Variants in HERC2 observed in about 807,000 individuals in gnomAD.
The protein encoded by HERC2 is E3 ubiquitin-protein ligase HERC2.
A neutral mutation model predicts 537.7 loss-of-function variants in HERC2; 102 were observed. The observed-to-expected ratio is 0.19, with a 90% confidence interval of 0.16 to 0.22. HERC2 has a LOEUF of 0.22. Ranked by LOEUF, HERC2 falls within the 10% of genes least tolerant of loss-of-function variation. The pLI is 1.00. For synonymous variants in HERC2, 2,224 were observed against 2,466.2 expected (o/e 0.90, Z 2.91); for missense variants, 4,236 against 6,198.2 (o/e 0.68, Z 10.63).
chr15:28,233,325 C>T lies in HERC2; in HGVS notation c.4496G>A (p.Gly1499Asp), dbSNP rs763287026. The T allele has an allele frequency of 7.1e-5, 106 of 1,483,326 alleles. No individual in the cohort carries two copies. The highest frequency in any genetic ancestry group is 2.5e-4 in the South Asian group (22 of 87,710). 91.9% of individuals were successfully genotyped at this position (1,483,326 alleles called of 1,614,324 possible). The stretch of plus-strand genomic sequence containing the variant: ...AGCGCAGACCTCCTTGTAAGAACGG[C>T]CCTGTTCTTGATGAGTCTGCAAAGT... The part of the protein sequence containing the change: ...CSLIKTHQEQ[G>D]RSYKEVCAPV... The change falls in exon 30 of 93, where the codon GGC becomes GAC. Residue 1499 changes from glycine (G) to aspartate (D), a missense_variant. Transcript: ENST00000261609.
chr15:28,290,351 A>AC (rs775545567), intron 4 of HERC2, among the ~76,000 whole-genome samples: 17 of 152,036 alleles, frequency 1.1e-4, no homozygotes, highest in Non-Finnish European at 1.6e-4. Flanking sequence ...ACTAAAGTGC[A>AC]GGGGTGCAAT....
chr15:28,114,325 C>T (rs2142040325), intron 90 of HERC2, among the ~76,000 whole-genome samples: 1 of 152,306 alleles, frequency 6.6e-6, no homozygotes, highest in South Asian at 2.1e-4. Flanking sequence ...CCAGGGAAGC[C>T]AACAAAGAAA....
At chr15:28,271,672 A>G (rs1271825450) in intron 9 of HERC2, among the ~76,000 whole-genome samples, 2 of 150,188 alleles carry the variant, frequency 1.3e-5, no homozygotes, top group African/African-American at 2.4e-5. Flanking sequence ...CCATCTAAGG[A>G]AAAAAAAAAG....
chr15:28,253,434 G>A (rs1481237957), intron 20 of HERC2, among the ~76,000 whole-genome samples: 1 of 152,212 alleles, frequency 6.6e-6, no homozygotes, highest in East Asian at 1.9e-4. Flanking sequence ...CTGCTTATTA[G>A]TAAGAATCTT....
At chr15:28,140,300 C>T (rs1411660476) in intron 78 of HERC2, among the ~76,000 whole-genome samples, 4 of 152,066 alleles carry the variant, frequency 2.6e-5, no homozygotes, top group Middle Eastern at 3.2e-3. Flanking sequence ...CAGAATCACA[C>T]CGCAACCCCA....
intron 36 of HERC2, among the ~76,000 whole-genome samples, 169 bp from the exon 37 acceptor site, chr15:28,220,813 A>G (rs1474365890): frequency 3.1e-3 from 331 of 106,016 alleles, no homozygotes; most frequent in Middle Eastern, 5.6e-3. Flanking sequence ...GTCCTTCCAT[A>G]GCTCCCACCA....
rs374665280 is a variant in HERC2 at position 28,202,513 on chromosome 15, G to A, written c.7314C>T (p.Val2438=). Residue 2438 remains valine (V), a synonymous_variant, in exon 46 of 93, where the codon GTC becomes GTT. Transcript: ENST00000261609. ...TGGCAGGGCGGATGTGCTGCACGGC[G>A]ACAGGCGTGGTGGCCTCACTGGAGC... ...DCSSSEATTP[V]AVQHIRPARV... The A allele has an allele frequency of 8.9e-6, 11 of 1,241,126 alleles. No homozygotes were observed. Among genetic ancestry groups the A allele is most frequent in the South Asian group, 3.9e-5 (3 of 77,768 alleles). The allele number at this position is 1,241,126 out of a possible 1,614,324, so 76.9% of individuals were successfully genotyped here. A position where few individuals can be genotyped will look rare whatever the true frequency, so the allele number is the denominator to read the frequency against.
rs1248942602 is a variant in HERC2, at chr15:28,144,233, G to A, written c.11143C>T (p.Pro3715Ser). ...TVYPIMPAAGPKELLSDRCVL... is the reference protein window; with the variant it reads ...TVYPIMPAAGSKELLSDRCVL... ...CAGCGGTCAGAGAGGAGTTCTTTAG[G>A]GCCTGTGAATGAACACTGTAAACAT... The change falls in exon 73 of 93, where the codon CCT becomes TCT. Residue 3715 changes from proline (P) to serine (S), a missense_variant and splice_region_variant. By Grantham distance (74) the Pro-to-Ser change is moderately conservative. Around this residue, in one of 27 missense-constraint regions of HERC2, gnomAD observed 109 missense variants for 133.5 expected, o/e 0.82. Coordinates refer to ENST00000261609, the MANE Select transcript of HERC2 (RefSeq NM_004667.6). 10 of 1,613,696 alleles carry A rather than the reference G, an allele frequency of 6.2e-6. No individual in the cohort carries two copies. The highest frequency in any genetic ancestry group is 8.5e-6 in the Non-Finnish European group (10 of 1,180,008).
At chr15:28,116,292 C>T (rs902044299) in intron 88 of HERC2, among the ~76,000 whole-genome samples, 5 of 150,582 alleles carry the variant, frequency 3.3e-5, no homozygotes, top group African/African-American at 7.3e-5. Flanking sequence ...CAGCTCACTG[C>T]AACCTCCGCC....
At chr15:28,142,134 G>T in intron 76 of HERC2, 104 bp downstream of exon 76, 2 of 1,314,872 alleles carry the variant, frequency 1.5e-6, no homozygotes, top group Non-Finnish European at 2.1e-6. Context: ...GATATTCCTT[G>T]GCAAGCGAAA....
intron 56 of HERC2, among the ~76,000 whole-genome samples, chr15:28,185,590 T>C (rs1896232228): frequency 6.6e-6 from 1 of 152,220 alleles, no homozygotes; most frequent in South Asian, 2.1e-4. Flanking sequence ...CCCCTGCAAA[T>C]GCAAGTTCTA....
chr15:28,249,919 T>G (rs1249978448), intron 20 of HERC2, among the ~76,000 whole-genome samples: 1 of 151,114 alleles, frequency 6.6e-6, no homozygotes, highest in Admixed American at 6.6e-5. Flanking sequence ...CCTCCCAAAG[T>G]GCTGGGATTA....
chr15:28,194,866 G>T (rs1011022769), intron 52 of HERC2, among the ~76,000 whole-genome samples: 2 of 151,932 alleles, frequency 1.3e-5, no homozygotes, highest in African/African-American at 4.8e-5. Context: ...GAGCAGCCTG[G>T]CCAACATGGT....
In HERC2 at chr15:28,132,925, AGTTAATT is replaced by A. The variant is rs1890253974; in HGVS notation, c.12231-102_12231-96del. 1.1e-5 allele frequency: 11 copies of A among 1,005,510 alleles called. 1 individual carries two copies. The South Asian group carries it at 2.5e-4, about 23-fold the overall frequency. The allele number at this position is 1,005,510 out of a possible 1,614,324, so 62.3% of individuals were successfully genotyped here. A position where few individuals can be genotyped will look rare whatever the true frequency, so the allele number is the denominator to read the frequency against. ...CCTCTCAATCTACACCTTCCTAATC[AGTTAATT>A]GTTAAATCAATCAAGAAGAATCATT... is the stretch of plus-strand genomic sequence containing the variant. On this transcript the variant is annotated intron_variant, in intron 79 of 92. Coordinates refer to ENST00000261609, the MANE Select transcript of HERC2 (RefSeq NM_004667.6).
intron 55 of HERC2, 33 bp from the exon 56 acceptor site, chr15:28,186,785 T>C (rs750102404): frequency 2.0e-6 from 3 of 1,530,468 alleles, no homozygotes; most frequent in African/African-American, 1.4e-5. Context: ...ATAGACTCTG[T>C]AGAATCAAGC....
intron 78 of HERC2, among the ~76,000 whole-genome samples, chr15:28,137,654 G>A (rs188437953): frequency 2.9e-4 from 44 of 152,176 alleles, no homozygotes; most frequent in Non-Finnish European, 5.3e-4. Flanking sequence ...TGATTGCTCC[G>A]CCAACCAGCT....
At chr15:28,308,596 A>G (rs577131884) in intron 2 of HERC2, among the ~76,000 whole-genome samples, 20 of 152,360 alleles carry the variant, frequency 1.3e-4, no homozygotes, top group African/African-American at 2.4e-4. Context: ...GTTGAATAAC[A>G]GTGGCCACAC....
chr15:28,194,932 T>C (rs1897207172), intron 52 of HERC2, among the ~76,000 whole-genome samples: 1 of 151,792 alleles, frequency 6.6e-6, no homozygotes, highest in Non-Finnish European at 1.5e-5. Flanking sequence ...GGTGGGAGCC[T>C]GTAATCCCAG....
chr15:28,150,372 C>T (rs1476208490), intron 70 of HERC2, among the ~76,000 whole-genome samples: 1 of 150,632 alleles, frequency 6.6e-6, no homozygotes. Flanking sequence ...CGAGAACAGC[C>T]GAATGAACCC....
Sources: gnomAD v4.1 joint callset for allele counts (sites outside exome capture counted in the v4.1 genomes callset) on GRCh38, gnomAD v4.1.1 for gene constraint, gnomAD v4.1.1 regional missense constraint, MANE v1.5 for transcripts, NCBI Gene and HGNC (gene_info 2026-07-23, HGNC 2026-07-21) for gene names.